Variants in DMD observed in about 807,000 individuals in gnomAD.
DMD encodes dystrophin.
Under a neutral mutation model 330.1 loss-of-function variants are expected in DMD, and 63 were observed. That is an observed-to-expected ratio of 0.19 (90% CI 0.16 to 0.24). DMD has a LOEUF of 0.24. Ranked by LOEUF, DMD falls within the 10% of genes least tolerant of loss-of-function variation. DMD has a pLI of 1.00. For missense variants in DMD, 3,344 were observed against 2,684.1 expected (o/e 1.25, Z -5.43); for synonymous variants, 1,223 against 959.8 (o/e 1.27, Z -5.07).
chrX:32,703,933 C>A (rs2064362927), intron 7 of DMD, among the ~76,000 whole-genome samples: 1 of 111,342 alleles, frequency 9.0e-6, no homozygotes, highest in African/African-American at 3.3e-5. Context: ...AATTTTACAC[C>A]AAGACTCTAC....
At chrX:32,649,281 G>A (rs1261676839) in intron 9 of DMD, among the ~76,000 whole-genome samples, 1 of 110,398 alleles carries the variant, frequency 9.1e-6, no homozygotes, top group African/African-American at 3.3e-5. Context: ...GAGGCCGGGT[G>A]CGGTGGCTCA....
intron 55 of DMD, among the ~76,000 whole-genome samples, chrX:31,557,672 A>G (rs1370386188): frequency 8.9e-6 from 1 of 112,103 alleles, no homozygotes; most frequent in Non-Finnish European, 1.9e-5. Flanking sequence ...ATAGTGCATC[A>G]AAATGTTTGC....
intron 45 of DMD, among the ~76,000 whole-genome samples, chrX:31,957,246 T>C (rs1322545541): frequency 8.9e-6 from 1 of 112,137 alleles, no homozygotes; most frequent in Admixed American, 9.5e-5. Flanking sequence ...AACAGGTCTG[T>C]ATCTTTCTCC....
chrX:31,794,300 C>T (rs912609857), intron 50 of DMD, among the ~76,000 whole-genome samples: 1 of 111,445 alleles, frequency 9.0e-6, no homozygotes, highest in Non-Finnish European at 1.9e-5. Context: ...TGCCATGAAA[C>T]ATTCCTGGGG....
chrX:32,779,569 C>G (rs1274197329), intron 7 of DMD, among the ~76,000 whole-genome samples: 1 of 108,807 alleles, frequency 9.2e-6, no homozygotes, highest in East Asian at 2.8e-4. Flanking sequence ...CAATTCCCAC[C>G]TATGAGTGAG....
At chrX:32,027,183 C>CACACACACAGAG (rs774715155) in intron 44 of DMD, among the ~76,000 whole-genome samples, 1,347 of 97,465 alleles carry the variant, frequency 0.014, 25 homozygotes, top group East Asian at 0.085. Context: ...CACACACACA[C>CACACACACAGAG]AGAGAGAGAG....
intron 62 of DMD, among the ~76,000 whole-genome samples, chrX:31,282,251 T>A (rs944110906): frequency 8.9e-6 from 1 of 112,059 alleles, no homozygotes; most frequent in Middle Eastern, 4.3e-3. Flanking sequence ...TATTTATACT[T>A]AATTGTAATC....
In DMD at chrX:32,948,197, G is replaced by GCCTTGGGAATA. The variant is rs773771339; in HGVS notation, c.93+71941_93+71942insTATTCCCAAGG. On this transcript the variant is annotated intron_variant, in intron 2 of 78. Coordinates refer to ENST00000357033, the MANE Select transcript of DMD (RefSeq NM_004006.3). Reference sequence around the variant, plus strand: ...GTATTAATAGCTAAAACCCCTCTTGGCCTTGGGAAAGAAACTCTCTACCCT... The same window carrying GCCTTGGGAATA: ...GTATTAATAGCTAAAACCCCTCTTGGCCTTGGGAATACCTTGGGAAAGAAACTCTCTACCCT... Among the ~76,000 whole-genome samples the GCCTTGGGAATA allele has an allele frequency of 9.9e-3, 1,093 of 110,130 alleles. 48 individuals are homozygous for GCCTTGGGAATA. The East Asian group carries it at 0.16, about 16-fold the overall frequency.
chrX:33,066,142 A>G (rs1314826645), intron 1 of DMD, among the ~76,000 whole-genome samples: 1 of 109,924 alleles, frequency 9.1e-6, no homozygotes, highest in Non-Finnish European at 1.9e-5. Context: ...GGAAGGGTGG[A>G]ATAATGTCTA....
chrX:32,398,553 T>G lies in DMD; in HGVS notation c.4234-8372A>C, dbSNP rs374169099. Among the ~76,000 whole-genome samples, 726 of 111,295 alleles carry G rather than the reference T, an allele frequency of 6.5e-3. 4 individuals carry two copies. Among genetic ancestry groups the G allele is most frequent in the South Asian group, 0.065 (174 of 2,674 alleles). On this transcript the variant is annotated intron_variant, in intron 30 of 78. Coordinates refer to ENST00000357033, the MANE Select transcript of DMD (RefSeq NM_004006.3). ...GCAGAGAAGTAAAGCATATAAATTT[T>G]TCTGCGTAATCTTGACCACAGAACC...
chrX:32,736,840 G>A (rs1027141916), intron 7 of DMD, among the ~76,000 whole-genome samples: 89 of 109,202 alleles, frequency 8.2e-4, no homozygotes, highest in African/African-American at 2.7e-3. Flanking sequence ...TGGGTGCAGC[G>A]CACCAGCATG....
chrX:32,662,110 G>A (rs2060986154), intron 9 of DMD, among the ~76,000 whole-genome samples: 2 of 111,475 alleles, frequency 1.8e-5, no homozygotes, highest in African/African-American at 3.2e-5. Context: ...ATAGCCTCTA[G>A]TGGAATCAGC....
At chrX:31,884,182 G>A (rs923767107) in intron 47 of DMD, among the ~76,000 whole-genome samples, 1 of 111,761 alleles carries the variant, frequency 8.9e-6, no homozygotes, top group Non-Finnish European at 1.9e-5. Context: ...ATTTTGAAGA[G>A]ATATCTGCCC....
intron 44 of DMD, among the ~76,000 whole-genome samples, chrX:32,189,391 T>C (rs1226150140): frequency 9.1e-6 from 1 of 110,216 alleles, no homozygotes; most frequent in Non-Finnish European, 1.9e-5. Flanking sequence ...AAAACAACTT[T>C]GTTTTGCAAA....
chrX:32,406,273 G>A (rs1019736070), intron 30 of DMD, among the ~76,000 whole-genome samples: 6 of 111,373 alleles, frequency 5.4e-5, no homozygotes, highest in African/African-American at 2.0e-4. Flanking sequence ...GCCCTGGCCA[G>A]AACTTCCAAC....
At chrX:32,800,098 A>G (rs753269770) in intron 7 of DMD, among the ~76,000 whole-genome samples, 2 of 112,178 alleles carry the variant, frequency 1.8e-5, no homozygotes, top group African/African-American at 3.2e-5. Context: ...TATAGCTTCA[A>G]TCCCCCAATA....
chrX:31,585,323 CAAAAA>C (rs1213158531), intron 55 of DMD, among the ~76,000 whole-genome samples: 3 of 36,104 alleles, frequency 8.3e-5, no homozygotes, highest in East Asian at 8.8e-4. Context: ...GACCCTGTCT[CAAAAA>C]AAAAAAAAAA....
chrX:32,645,043 G>A lies in DMD; in HGVS notation c.1070C>T (p.Ser357Phe), dbSNP rs2059696832. Residue 357 changes from serine to phenylalanine, a missense_variant, in exon 10 of 79, where the codon TCT becomes TTT. Ser to Phe is a radical substitution (Grantham distance 155). Transcript: ENST00000357033. ...TTGTGCTTGCAATGTGTCCTCAGCA[G>A]AAAGAAGCCACGATAATACTTCTTC... ...ALEEVLSWLL[S>F]AEDTLQAQGE... 2 of 1,211,610 alleles carry A rather than the reference G, an allele frequency of 1.7e-6. No homozygotes were observed. The highest frequency in any genetic ancestry group is 5.9e-5 in the East Asian group (2 of 33,820).
chrX:32,514,391 T>C (rs762145675), intron 18 of DMD, among the ~76,000 whole-genome samples: 1 of 111,949 alleles, frequency 8.9e-6, no homozygotes, highest in East Asian at 2.8e-4. Flanking sequence ...AGAAACTAAG[T>C]TGAAAATATA....
Sources: allele counts gnomAD v4.1 joint callset (sites outside exome capture counted in the v4.1 genomes callset), GRCh38; gene constraint gnomAD v4.1.1; transcripts MANE v1.5; gene names NCBI Gene and HGNC (gene_info 2026-07-23, HGNC 2026-07-21).